The following AGBL4 variants were observed in gnomAD, a reference collection of about 807,000 sequenced individuals.
AGBL4 encodes the protein cytosolic carboxypeptidase 6.
Under a neutral mutation model 66.4 loss-of-function variants are expected in AGBL4, and 58 were observed. The ratio of observed to expected loss-of-function variants is 0.87; its 90% CI spans 0.71 to 1.09. The LOEUF (loss-of-function observed/expected upper bound fraction) is 1.09, where lower values mean the gene tolerates loss of function less well. Ranked by LOEUF, AGBL4 falls within the 50% of genes least tolerant of loss-of-function variation. The pLI, the probability that AGBL4 is intolerant of heterozygous loss-of-function variation, is 0.00. For synonymous variants in AGBL4, 234 were observed against 222.9 expected (o/e 1.05, Z -0.44); for missense variants, 579 against 631.0 (o/e 0.92, Z 0.88).
chr1:49,744,827 T>C (rs1361844577), intron 2 of AGBL4, among the ~76,000 whole-genome samples: 2 of 152,058 alleles, frequency 1.3e-5, no homozygotes, highest in African/African-American at 2.4e-5. Context: ...AATTTTTGTA[T>C]ACTGTTAAAA....
At chr1:49,734,680 T>A (rs1043372921) in intron 2 of AGBL4, among the ~76,000 whole-genome samples, 1 of 152,092 alleles carries the variant, frequency 6.6e-6, no homozygotes, top group Non-Finnish European at 1.5e-5. Context: ...AGTCTCAATA[T>A]CAATTTTCCC....
chr1:49,356,544 A>G (rs1289262252), intron 3 of AGBL4, among the ~76,000 whole-genome samples: 1 of 152,248 alleles, frequency 6.6e-6, no homozygotes, highest in Non-Finnish European at 1.5e-5. Context: ...ATGTTGAAAA[A>G]TAAGACACTA....
intron 3 of AGBL4, among the ~76,000 whole-genome samples, chr1:49,268,786 C>T (rs1187373856): frequency 2.6e-5 from 4 of 152,114 alleles, no homozygotes; most frequent in African/African-American, 9.7e-5. Context: ...ACAGCCTTTT[C>T]TTGATGAGAC....
intron 3 of AGBL4, among the ~76,000 whole-genome samples, chr1:49,333,589 C>A: frequency 6.6e-6 from 1 of 151,624 alleles, no homozygotes; most frequent in Admixed American, 6.6e-5. Flanking sequence ...TCCTTAGATT[C>A]GATGGTGGGT....
chr1:49,625,544 C>T (rs571375970), intron 3 of AGBL4, among the ~76,000 whole-genome samples: 84 of 152,306 alleles, frequency 5.5e-4, no homozygotes, highest in East Asian at 3.5e-3. Flanking sequence ...AAGAAGCACA[C>T]TGCAGGAGGC....
chr1:49,478,752 T>C lies in AGBL4; in HGVS notation c.282+218561A>G, dbSNP rs547153451. The stretch of plus-strand genomic sequence containing the variant: ...ACTCTTACGTAGAAAGACTAGAGTA[T>C]GAACCAATCAAAAATAACTACAGCA... On this transcript the variant is annotated intron_variant, in intron 3 of 13. Transcript: ENST00000371839. 3.3e-5 allele frequency among the ~76,000 whole-genome samples: 5 copies of C among 151,960 alleles called. 1 individual carries two copies. Among genetic ancestry groups the C allele is most frequent in the Non-Finnish European group, 7.4e-5 (5 of 67,942 alleles).
intron 3 of AGBL4, among the ~76,000 whole-genome samples, chr1:49,481,147 T>G (rs1302782343): frequency 6.6e-6 from 1 of 152,102 alleles, no homozygotes; most frequent in Non-Finnish European, 1.5e-5. Context: ...TTTAAAATAG[T>G]GTTTTCTAGT....
At chr1:49,746,995 T>C (rs1225705620) in intron 2 of AGBL4, among the ~76,000 whole-genome samples, 2 of 152,074 alleles carry the variant, frequency 1.3e-5, no homozygotes, top group African/African-American at 2.4e-5. Flanking sequence ...AAAACATTTC[T>C]AAAGTGAAAA....
At chr1:49,118,326 CT>C (rs1420904207) in intron 4 of AGBL4, among the ~76,000 whole-genome samples, 5 of 152,088 alleles carry the variant, frequency 3.3e-5, no homozygotes, top group Non-Finnish European at 7.4e-5. Flanking sequence ...CAATTTTTGC[CT>C]ATTCAGTATG....
intron 2 of AGBL4, among the ~76,000 whole-genome samples, chr1:49,811,607 T>C (rs1645104178): frequency 1.3e-5 from 2 of 152,102 alleles, no homozygotes; most frequent in African/African-American, 2.4e-5. Flanking sequence ...ATTATTATAA[T>C]GATATTCACC....
chr1:48,915,394 T>G (rs1182390445), intron 5 of AGBL4, among the ~76,000 whole-genome samples: 1 of 152,222 alleles, frequency 6.6e-6, no homozygotes, highest in Non-Finnish European at 1.5e-5. Context: ...GACAGTTAAT[T>G]ACATAGTTAT....
intron 3 of AGBL4, among the ~76,000 whole-genome samples, chr1:49,567,012 C>T (rs1469832460): frequency 1.3e-5 from 2 of 152,202 alleles, no homozygotes; most frequent in African/African-American, 2.4e-5. Flanking sequence ...AGGCGCCCCT[C>T]CCCCAGCCTC....
chr1:49,691,266 A>G (rs1646880783), intron 3 of AGBL4: 1 of 152,320 alleles, frequency 6.6e-6, no homozygotes, highest in African/African-American at 2.4e-5. Flanking sequence ...CCAGTCTCAG[A>G]ACTTCTGAAA....
At chr1:49,480,946 T>C (rs923125601) in intron 3 of AGBL4, among the ~76,000 whole-genome samples, 1 of 152,032 alleles carries the variant, frequency 6.6e-6, no homozygotes. Context: ...CAGATACTTG[T>C]AGGTATGTGG....
chr1:48,638,107 G>A (rs993306355), intron 8 of AGBL4, among the ~76,000 whole-genome samples: 2 of 152,208 alleles, frequency 1.3e-5, no homozygotes, highest in Non-Finnish European at 2.9e-5. Context: ...CTTGCTCTAG[G>A]ATACCTCTAT....
At chr1:49,072,251 T>G (rs1644621631) in intron 4 of AGBL4, among the ~76,000 whole-genome samples, 1 of 152,196 alleles carries the variant, frequency 6.6e-6, no homozygotes. Flanking sequence ...ACATTTAAGG[T>G]TAATATTGTT....
chr1:49,154,176 T>TGAA (rs1646388161), intron 4 of AGBL4, among the ~76,000 whole-genome samples: 1 of 152,020 alleles, frequency 6.6e-6, no homozygotes, highest in Admixed American at 6.6e-5. Context: ...TGTCTATGGG[T>TGAA]GAAGGCAGCA....
intron 5 of AGBL4, among the ~76,000 whole-genome samples, chr1:49,018,377 G>C (rs1662983528): frequency 6.6e-6 from 1 of 152,046 alleles, no homozygotes; most frequent in Non-Finnish European, 1.5e-5. Flanking sequence ...TGGAATTCAA[G>C]GTCAGTCTGA....
At chr1:48,986,549 C>G (rs1468423046) in intron 5 of AGBL4, among the ~76,000 whole-genome samples, 1 of 151,954 alleles carries the variant, frequency 6.6e-6, no homozygotes, top group Non-Finnish European at 1.5e-5. Flanking sequence ...AACTAGAATT[C>G]TATACCTAGC....
Sources: allele counts gnomAD v4.1 joint callset (sites outside exome capture counted in the v4.1 genomes callset), GRCh38; gene constraint gnomAD v4.1.1; transcripts MANE v1.5; gene names NCBI Gene and HGNC (gene_info 2026-07-23, HGNC 2026-07-21).